The following STK39 variants were observed in gnomAD, a reference collection of about 807,000 sequenced individuals.
STK39 encodes STE20/SPS1-related proline-alanine-rich protein kinase.
In STK39, 20 loss-of-function variants were observed where a neutral mutation model predicts 77.8. The observed-to-expected ratio is 0.26, with a 90% CI of 0.18 to 0.37. The LOEUF is 0.37. Among genes scored for constraint, STK39 ranks in the 10% least tolerant of loss-of-function variants. STK39 has a pLI of 1.00. For missense variants in STK39, 479 were observed against 656.5 expected (o/e 0.73, Z 2.95); for synonymous variants, 246 against 234.1 (o/e 1.05, Z -0.47).
intron 16 of STK39, among the ~76,000 whole-genome samples, chr2:168,003,284 G>A (rs1684047185): frequency 6.6e-6 from 1 of 152,108 alleles, no homozygotes. Flanking sequence ...CCCAACTGCT[G>A]AATATCTTAA....
At chr2:168,071,664 G>A (rs574857357) in intron 12 of STK39, among the ~76,000 whole-genome samples, 58 of 152,058 alleles carry the variant, frequency 3.8e-4, no homozygotes, top group Admixed American at 2.2e-3. Flanking sequence ...GGCAGATCAC[G>A]AGGTCAGGAG....
intron 1 of STK39, among the ~76,000 whole-genome samples, chr2:168,228,264 G>A (rs1005227418): frequency 9.2e-5 from 14 of 151,972 alleles, no homozygotes; most frequent in African/African-American, 2.9e-4. Flanking sequence ...TTTACTTGCC[G>A]TAACAAATTA....
chr2:168,202,687 T>C lies in STK39; in HGVS notation c.209-20597A>G, dbSNP rs536620137. ...TGCAGCAGCGACCAAACTGCTAGAATGCTGTGCCTGGATTGGATCACTACA... is the reference window on the plus strand; with the variant it reads ...TGCAGCAGCGACCAAACTGCTAGAACGCTGTGCCTGGATTGGATCACTACA... On this transcript the variant is annotated intron_variant, in intron 1 of 17. Coordinates refer to ENST00000355999, the MANE Select transcript of STK39 (RefSeq NM_013233.3). 5.9e-5 allele frequency among the ~76,000 whole-genome samples: 9 copies of C among 152,144 alleles called. No individual in the cohort carries two copies. The South Asian group carries it at 8.3e-4, about 14-fold the overall frequency.
At position 168,069,067 on chromosome 2, in the gene STK39, C is replaced by G. The variant is rs981014795; in HGVS notation, c.1243-3686G>C. ...GAGTAGCTGGGATTACAGATGCACA[C>G]CACCATGCTCGGCTAATTTTTTGTA... On this transcript the variant is annotated intron_variant, in intron 12 of 17. Coordinates refer to ENST00000355999, the MANE Select transcript of STK39 (RefSeq NM_013233.3). Among the ~76,000 whole-genome samples, 5 of 152,122 alleles carry G rather than the reference C, an allele frequency of 3.3e-5. No individual in the cohort carries two copies. The South Asian group carries it at 1.0e-3, about 31-fold the overall frequency.
intron 14 of STK39, among the ~76,000 whole-genome samples, chr2:168,027,084 T>C (rs1559063307): frequency 6.6e-6 from 1 of 152,198 alleles, no homozygotes; most frequent in Non-Finnish European, 1.5e-5. Context: ...CCACTGAGTT[T>C]GTTGAGGTTG....
chr2:168,136,108 C>T (rs911884333), intron 8 of STK39, among the ~76,000 whole-genome samples: 1 of 151,566 alleles, frequency 6.6e-6, no homozygotes, highest in Non-Finnish European at 1.5e-5. Flanking sequence ...GTAGCTCATG[C>T]CTGTAATCCC....
At chr2:168,168,920 T>C (rs978511387) in intron 2 of STK39, among the ~76,000 whole-genome samples, 8 of 151,966 alleles carry the variant, frequency 5.3e-5, no homozygotes, top group Non-Finnish European at 7.4e-5. Flanking sequence ...GAAGTGGAGG[T>C]TGCAGTGAGC....
At chr2:168,124,355 A>G (rs957973569) in intron 10 of STK39, among the ~76,000 whole-genome samples, 1 of 152,086 alleles carries the variant, frequency 6.6e-6, no homozygotes, top group Non-Finnish European at 1.5e-5. Flanking sequence ...ACATTTGCAT[A>G]GCTACGAGCC....
At chr2:168,163,088 G>A (rs1030981972) in intron 4 of STK39, among the ~76,000 whole-genome samples, 4 of 151,942 alleles carry the variant, frequency 2.6e-5, no homozygotes, top group Non-Finnish European at 4.4e-5. Flanking sequence ...CAGGGTAGGA[G>A]AATTACATTA....
At chr2:168,156,384 C>A (rs1688428838) in intron 5 of STK39, among the ~76,000 whole-genome samples, 1 of 152,042 alleles carries the variant, frequency 6.6e-6, no homozygotes. Context: ...ATTCCATCAA[C>A]AATGCTTATA....
intron 2 of STK39, among the ~76,000 whole-genome samples, chr2:168,169,683 G>A (rs1464246835): frequency 7.1e-6 from 1 of 140,640 alleles, no homozygotes; most frequent in Non-Finnish European, 1.5e-5. Flanking sequence ...AAAACCTGTA[G>A]AACCTATAGA....
intron 5 of STK39, among the ~76,000 whole-genome samples, chr2:168,149,094 T>G (rs1421076559): frequency 1.3e-5 from 2 of 152,230 alleles, no homozygotes; most frequent in Non-Finnish European, 2.9e-5. Flanking sequence ...CCTTGGGAGA[T>G]TCACCTTATT....
chr2:168,230,942 T>A (rs1270370764), intron 1 of STK39, among the ~76,000 whole-genome samples: 2 of 152,184 alleles, frequency 1.3e-5, no homozygotes, highest in Admixed American at 6.5e-5. Context: ...GTCCATTTTC[T>A]CCCTGGCTTC....
intron 1 of STK39, among the ~76,000 whole-genome samples, chr2:168,188,829 A>G (rs1689270086): frequency 6.6e-6 from 1 of 152,214 alleles, no homozygotes; most frequent in Admixed American, 6.5e-5. Context: ...GGTGAGACAC[A>G]CACAACTTGC....
chr2:168,095,715 C>T (rs1194646800), intron 10 of STK39, among the ~76,000 whole-genome samples: 3 of 151,176 alleles, frequency 2.0e-5, no homozygotes, highest in Non-Finnish European at 2.9e-5. Flanking sequence ...CAAGCTCCGC[C>T]TCCTGGGTTC....
chr2:168,003,585 G>A (rs1684053712), intron 16 of STK39, among the ~76,000 whole-genome samples: 1 of 152,058 alleles, frequency 6.6e-6, no homozygotes, highest in Non-Finnish European at 1.5e-5. Flanking sequence ...ATATCTAACA[G>A]GTCAACATTT....
At chr2:168,181,639 C>T (rs1391319255) in intron 2 of STK39, among the ~76,000 whole-genome samples, 1 of 152,130 alleles carries the variant, frequency 6.6e-6, no homozygotes, top group Non-Finnish European at 1.5e-5. Flanking sequence ...CAGAAGCTCA[C>T]CATCCAAAAC....
At chr2:168,034,716 G>A (rs188808412) in intron 14 of STK39, among the ~76,000 whole-genome samples, 52 of 152,276 alleles carry the variant, frequency 3.4e-4, no homozygotes, top group Admixed American at 6.5e-4. Context: ...ACGCAGAAAC[G>A]CTCCTGGCAA....
At chr2:168,172,439 T>C (rs374325337) in intron 2 of STK39, among the ~76,000 whole-genome samples, 2 of 152,226 alleles carry the variant, frequency 1.3e-5, no homozygotes, top group African/African-American at 4.8e-5. Flanking sequence ...AATTTCACCC[T>C]GTATTTAATT....
Sources: allele counts gnomAD v4.1 joint callset (sites outside exome capture counted in the v4.1 genomes callset), GRCh38; gene constraint gnomAD v4.1.1; transcripts MANE v1.5; gene names NCBI Gene and HGNC (gene_info 2026-07-23, HGNC 2026-07-21).